The following SWAP70 variants were observed in gnomAD, a reference collection of about 807,000 sequenced individuals.
The protein encoded by SWAP70 is switch-associated protein 70.
Under a neutral mutation model 80.2 loss-of-function variants are expected in SWAP70, and 34 were observed. That is an observed-to-expected ratio of 0.42 (90% CI 0.32 to 0.56). The LOEUF (loss-of-function observed/expected upper bound fraction) is 0.56. Ranked by LOEUF, SWAP70 falls within the 20% of genes least tolerant of loss-of-function variation. The pLI, the probability that SWAP70 is intolerant of heterozygous loss-of-function variation, is 0.09. For synonymous variants in SWAP70, 239 were observed against 238.5 expected, an observed-to-expected ratio of 1.00 and a Z score of -0.02; for missense variants, 578 against 690.7, an observed-to-expected ratio of 0.84 and a Z score of 1.83.
rs1291693089 is a variant in SWAP70, at chr11:9,749,712, A to G, written c.1652-152A>G. 5.3e-6 allele frequency: 3 copies of G among 566,520 alleles called. No homozygotes were observed. The African/African-American group carries it at 5.6e-5, about 11-fold the overall frequency. The allele number at this position is 566,520 out of a possible 1,614,324, so 35.1% of individuals were successfully genotyped here. ...AGGGCCCAGTTAATCCCCTTGGTAT[A>G]CATCTTCTAATTGTTTTAGCTGGTA... On this transcript the variant is annotated intron_variant, in intron 11 of 11. Transcript: ENST00000318950.
In SWAP70 at chr11:9,713,458, C is replaced by G. The variant is rs376500588; in HGVS notation, c.241-8C>G. 1 of 1,603,112 alleles carries G rather than the reference C, an allele frequency of 6.2e-7. No homozygotes were observed. The highest frequency in any genetic ancestry group is 1.1e-5 in the South Asian group (1 of 89,308). On this transcript the variant is annotated splice_polypyrimidine_tract_variant and splice_region_variant and intron_variant, in intron 2 of 11. Transcript: ENST00000318950. ...GATTTGTTGGAGTTTTTCCTTATTC[C>G]TTTTTAGGTCCAAGACAACTTTGAC...
intron 9 of SWAP70, among the ~76,000 whole-genome samples, chr11:9,745,928 C>G (rs60195226): frequency 6.6e-6 from 1 of 152,102 alleles, no homozygotes; most frequent in East Asian, 1.9e-4. Context: ...GCCTTGAACA[C>G]AGGCAGGAAT....
chr11:9,671,879 A>T (rs1202805126), intron 1 of SWAP70, among the ~76,000 whole-genome samples: 2 of 87,104 alleles, frequency 2.3e-5, no homozygotes, highest in Non-Finnish European at 3.5e-5. Flanking sequence ...TAATTTAAAT[A>T]TAATTTTAAT....
At chr11:9,715,296 A>G (rs1432921895) in intron 3 of SWAP70, among the ~76,000 whole-genome samples, 1 of 152,106 alleles carries the variant, frequency 6.6e-6, no homozygotes, top group African/African-American at 2.4e-5. Context: ...GAATTTTTTA[A>G]AAGTATGCTG....
chr11:9,688,278 A>G (rs1222125179), intron 1 of SWAP70, among the ~76,000 whole-genome samples: 2 of 152,262 alleles, frequency 1.3e-5, no homozygotes, highest in African/African-American at 4.8e-5. Context: ...TGGGCCTTTC[A>G]GAAATGTACA....
At chr11:9,725,995 A>G (rs1351534881) in intron 4 of SWAP70, among the ~76,000 whole-genome samples, 1 of 133,944 alleles carries the variant, frequency 7.5e-6, no homozygotes, top group Non-Finnish European at 1.7e-5. Context: ...CCTTCAGGTA[A>G]TGTTATGCAT....
At chr11:9,726,985 G>A in intron 4 of SWAP70, 1 of 456,176 alleles carries the variant, frequency 2.2e-6, no homozygotes, top group South Asian at 1.5e-5. Context: ...GGAAGTCCTT[G>A]AATATTTGGT....
intron 6 of SWAP70, among the ~76,000 whole-genome samples, chr11:9,732,267 G>T (rs1199308736): frequency 6.6e-6 from 1 of 152,128 alleles, no homozygotes; most frequent in Non-Finnish European, 1.5e-5. Context: ...AGCGAGAAAG[G>T]ACTTTATAGA....
At chr11:9,695,469 A>G (rs1186000908) in intron 2 of SWAP70, among the ~76,000 whole-genome samples, 1 of 152,150 alleles carries the variant, frequency 6.6e-6, no homozygotes, top group Non-Finnish European at 1.5e-5. Flanking sequence ...TGTCCTTTGC[A>G]GGGACATGGA....
intron 9 of SWAP70, among the ~76,000 whole-genome samples, chr11:9,745,643 C>T (rs1851502323): frequency 1.3e-5 from 2 of 152,172 alleles, no homozygotes; most frequent in Non-Finnish European, 2.9e-5. Flanking sequence ...TGAGCTGTTA[C>T]CTACCAGTAC....
intron 1 of SWAP70, among the ~76,000 whole-genome samples, chr11:9,671,455 A>AT (rs1850384737): frequency 1.0e-5 from 1 of 95,390 alleles, no homozygotes; most frequent in Non-Finnish European, 1.9e-5. Context: ...TATATTTATA[A>AT]ATATATATAT....
chr11:9,707,776 G>C (rs1590029509), intron 2 of SWAP70, among the ~76,000 whole-genome samples: 1 of 151,864 alleles, frequency 6.6e-6, no homozygotes, highest in East Asian at 1.9e-4. Context: ...GGCTGGTCTT[G>C]AACTCCTGAC....
At chr11:9,729,855 A>G (rs76012223) in intron 6 of SWAP70, among the ~76,000 whole-genome samples, 6,861 of 152,294 alleles carry the variant, frequency 0.045, 209 homozygotes, top group Non-Finnish European at 0.065. Flanking sequence ...TCCTCATTGT[A>G]GTTATTTTCT....
chr11:9,674,544 T>G (rs992862891), intron 1 of SWAP70, among the ~76,000 whole-genome samples: 1 of 151,544 alleles, frequency 6.6e-6, no homozygotes, highest in Non-Finnish European at 1.5e-5. Flanking sequence ...TACAAAAAAT[T>G]TAAAAATTAG....
intron 2 of SWAP70, among the ~76,000 whole-genome samples, chr11:9,695,406 G>T (rs1337981786): frequency 6.6e-6 from 1 of 152,154 alleles, no homozygotes; most frequent in African/African-American, 2.4e-5. Context: ...TAAAGAAAAT[G>T]TGGTACATAT....
chr11:9,709,329 A>G (rs748024806), intron 2 of SWAP70, among the ~76,000 whole-genome samples: 17 of 152,032 alleles, frequency 1.1e-4, no homozygotes, highest in Admixed American at 2.6e-4. Flanking sequence ...AGATGTCGCT[A>G]TATTGCCTAT....
chr11:9,729,479 G>T, intron 6 of SWAP70, 28 bp downstream of exon 6: 2 of 1,495,704 alleles, frequency 1.3e-6, no homozygotes, highest in Middle Eastern at 3.5e-4. Flanking sequence ...TATTTGCCAT[G>T]ATATAACTTG....
chr11:9,709,223 C>G (rs1358257981), intron 2 of SWAP70, among the ~76,000 whole-genome samples: 1 of 152,090 alleles, frequency 6.6e-6, no homozygotes, highest in East Asian at 1.9e-4. Context: ...CTCCCAGGCT[C>G]AAGTGATCCT....
Position 9,732,595 on chromosome 11 carries a change from G to T in SWAP70, c.965G>T (p.Arg322Leu). The T allele has an allele frequency of 3.7e-6, 6 of 1,602,398 alleles. No homozygotes were observed. Among genetic ancestry groups the T allele is most frequent in the Non-Finnish European group, 5.1e-6 (6 of 1,173,318 alleles). Reference sequence around the variant, plus strand: ...CCACCACACAAAGAAGCCCGCCAGCGTCGGAAAGAACTCCGGAAGAAGCAG... The same window carrying T: ...CCACCACACAAAGAAGCCCGCCAGCTTCGGAAAGAACTCCGGAAGAAGCAG... ...SPPPHKEARQ[R>L]RKELRKKQLA... Residue 322 changes from arginine to leucine, a missense_variant, in exon 7 of 12, where the codon CGT becomes CTT. Transcript: ENST00000318950.
Sources: allele counts gnomAD v4.1 joint callset (sites outside exome capture counted in the v4.1 genomes callset), GRCh38; gene constraint gnomAD v4.1.1; transcripts MANE v1.5; gene names NCBI Gene and HGNC (gene_info 2026-07-23, HGNC 2026-07-21).